Variants in AVPI1 observed in about 807,000 individuals in gnomAD.
AVPI1 encodes arginine vasopressin induced 1.
AVPI1 carries 9 observed loss-of-function variants against 11.9 expected under a neutral mutation model. The observed-to-expected ratio is 0.76, with a 90% CI of 0.46 to 1.32. AVPI1 has a LOEUF of 1.32. Ranked by LOEUF, AVPI1 falls within the 40% of genes most tolerant of loss-of-function variation. The pLI is 0.00. For synonymous variants in AVPI1, 68 were observed against 78.1 expected, an observed-to-expected ratio of 0.87 and a Z score of 0.68; for missense variants, 207 against 195.8, an observed-to-expected ratio of 1.06 and a Z score of -0.34.
intron 1 of AVPI1, among the ~76,000 whole-genome samples, chr10:97,683,406 G>A (rs892236109): frequency 5.9e-5 from 9 of 152,168 alleles, no homozygotes; most frequent in African/African-American, 1.9e-4. Flanking sequence ...TGATCCACCC[G>A]CCTTGGCCTC....
At chr10:97,681,909 AAG>A (rs2041706851) in intron 1 of AVPI1, among the ~76,000 whole-genome samples, 1 of 151,218 alleles carries the variant, frequency 6.6e-6, no homozygotes, top group Non-Finnish European at 1.5e-5. Context: ...AAAAAAAAAA[AAG>A]AAAAAAAGAA....
chr10:97,679,773 G>C lies in AVPI1; in HGVS notation c.133C>G (p.Arg45Gly). ...ELLQIQALFQ[R>G]SGDQLAEERA... ...TCCTCGGCCAGCTGGTCCCCGCTGC[G>C]TTGAAACAGGGCTTGGATCTGCAGC... is the stretch of plus-strand genomic sequence containing the variant. The change falls in exon 2 of 3, where the codon CGC (arginine) becomes GGC (glycine). Residue 45 changes from arginine (R) to glycine (G), a missense_variant. Coordinates refer to ENST00000370626, the MANE Select transcript of AVPI1 (RefSeq NM_021732.3). 6.2e-7 allele frequency: 1 copy of C among 1,614,062 alleles called. No individual in the cohort carries two copies. The highest frequency in any genetic ancestry group is 2.2e-5 in the East Asian group (1 of 44,878).
intron 2 of AVPI1, among the ~76,000 whole-genome samples, chr10:97,678,796 T>C (rs1589942384): frequency 6.6e-6 from 1 of 151,676 alleles, no homozygotes; most frequent in South Asian, 2.1e-4. Flanking sequence ...CAAGTGATCC[T>C]CCTACCTCAG....
chr10:97,686,439 CTCACT>C (rs775065570), intron 1 of AVPI1, among the ~76,000 whole-genome samples: 324 of 152,292 alleles, frequency 2.1e-3, no homozygotes, highest in Non-Finnish European at 3.4e-3. Flanking sequence ...TTCTTTCCTC[CTCACT>C]TAAGGTGGCA....
At chr10:97,678,872 G>A (rs376577161) in intron 2 of AVPI1, among the ~76,000 whole-genome samples, 2 of 135,110 alleles carry the variant, frequency 1.5e-5, no homozygotes, top group East Asian at 2.4e-4. Context: ...TTTTTTTGGC[G>A]GGGGGAGGGT....
In AVPI1 at chr10:97,678,960, T is replaced by TCA. The variant is rs1564779958; in HGVS notation, c.287+658_287+659insTG. 4.6e-4 allele frequency among the ~76,000 whole-genome samples: 22 copies of TCA among 47,690 alleles called. 2 individuals carry two copies. The highest frequency in any genetic ancestry group is 1.9e-3 in the South Asian group (2 of 1,040). The allele number at this position is 47,690 out of a possible 152,430, so 31.3% of individuals were successfully genotyped here. A position where few individuals can be genotyped will look rare whatever the true frequency, so the allele number is the denominator to read the frequency against. ...GTGTGTGTGTGTGTGTGTGTGTGTG[T>TCA]GTGTGTGTGTGTGTGTGTGTGTGTG... On this transcript the variant is annotated intron_variant, in intron 2 of 2. Coordinates refer to ENST00000370626, the MANE Select transcript of AVPI1 (RefSeq NM_021732.3).
At chr10:97,678,946 TG>T in intron 2 of AVPI1, among the ~76,000 whole-genome samples, 1 of 43,186 alleles carries the variant, frequency 2.3e-5, no homozygotes, top group South Asian at 1.1e-3. Flanking sequence ...TGTGTGTGTG[TG>T]TGTGTGTGTG....
intron 1 of AVPI1, among the ~76,000 whole-genome samples, chr10:97,683,247 T>A (rs529606129): frequency 5.2e-4 from 79 of 152,302 alleles, no homozygotes; most frequent in African/African-American, 1.8e-3. Flanking sequence ...AACCTCTACC[T>A]CCTGAGTTCA....
chr10:97,684,671 T>C (rs2041720547), intron 1 of AVPI1, among the ~76,000 whole-genome samples: 1 of 151,720 alleles, frequency 6.6e-6, no homozygotes, highest in Admixed American at 6.6e-5. Context: ...GACTAATTTT[T>C]GTATTTTTAG....
intron 2 of AVPI1, among the ~76,000 whole-genome samples, chr10:97,678,589 TA>T (rs925360207): frequency 6.6e-6 from 1 of 151,678 alleles, no homozygotes; most frequent in African/African-American, 2.4e-5. Flanking sequence ...GATCTCAAGG[TA>T]AAAGTTTTCA....
chr10:97,678,922 TGTGTGTGTGTGTGTG>T lies in AVPI1; in HGVS notation c.287+682_287+696del, dbSNP rs2041683718. Among the ~76,000 whole-genome samples the T allele has an allele frequency of 4.6e-4, 8 of 17,278 alleles. 1 individual carries two copies. The highest frequency in any genetic ancestry group is 3.0e-3 in the Admixed American group (6 of 1,990). The allele number at this position is 17,278 out of a possible 152,430, so 11.3% of individuals were successfully genotyped here. A position where few individuals can be genotyped will look rare whatever the true frequency, so the allele number is the denominator to read the frequency against. ...GTGTGTGTGTGTGTGTGTGTGTGTG[TGTGTGTGTGTGTGTG>T]TGTGTGTGTGTGTGTGTGTGTGTGT... On this transcript the variant is annotated intron_variant, in intron 2 of 2. Transcript: ENST00000370626.
At position 97,679,625 on chromosome 10, in the gene AVPI1, C is replaced by A; in HGVS notation, c.281G>T (p.Arg94Leu). The A allele has an allele frequency of 6.2e-7, 1 of 1,609,028 alleles. No individual in the cohort carries two copies. Among genetic ancestry groups the A allele is most frequent in the Non-Finnish European group, 8.5e-7 (1 of 1,177,314 alleles). The change falls in exon 2 of 3, where the codon CGC becomes CTC. Residue 94 changes from arginine to leucine, a missense_variant. Arg to Leu is a moderately radical substitution (Grantham distance 102). Transcript: ENST00000370626. ...TCCGGTTCTAGGAACCTACCTGAGG[C>A]GGCTGCAGTGGTGTAGCGAGTGGCC... ...PLGHSLHHCS[R>L]LRILEPHSAL...
intron 1 of AVPI1, among the ~76,000 whole-genome samples, chr10:97,683,718 G>A (rs1037171582): frequency 6.6e-6 from 1 of 152,216 alleles, no homozygotes; most frequent in Non-Finnish European, 1.5e-5. Context: ...TAAAGAGGAA[G>A]AGCCCAGCTT....
chr10:97,682,092 C>G (rs2041708136), intron 1 of AVPI1, among the ~76,000 whole-genome samples: 1 of 152,196 alleles, frequency 6.6e-6, no homozygotes. Flanking sequence ...ACTTAAGCGT[C>G]CCACGGAGGA....
In AVPI1 at chr10:97,677,827, G is replaced by A. The variant is rs373727438; in HGVS notation, c.*42C>T. 1.2e-6 allele frequency: 2 copies of A among 1,607,318 alleles called. No individual in the cohort carries two copies. Among genetic ancestry groups the A allele is most frequent in the Non-Finnish European group, 8.5e-7 (1 of 1,175,724 alleles). The stretch of plus-strand genomic sequence containing the variant: ...CTTCCTTCACCTCCCCAGGCCTTTT[G>A]GCAAGAGGGAAGACACTGCCATTCC... On this transcript the variant is annotated 3_prime_UTR_variant, in exon 3 of 3. Transcript: ENST00000370626.
Position 97,677,682 on chromosome 10 carries a change from A to C in AVPI1, c.*187T>G. 4.9e-6 allele frequency: 3 copies of C among 615,804 alleles called. No homozygotes were observed. Among genetic ancestry groups the C allele is most frequent in the Non-Finnish European group, 8.3e-6 (3 of 361,108 alleles). 38.1% of individuals were successfully genotyped at this position (615,804 alleles called of 1,614,324 possible). On this transcript the variant is annotated 3_prime_UTR_variant, in exon 3 of 3. Coordinates refer to ENST00000370626, the MANE Select transcript of AVPI1 (RefSeq NM_021732.3). ...CTGTCTCTCCTCATTTTGGTGAGGA[A>C]TGGGTCCCACATAATGGAGAGCTCA... is the stretch of plus-strand genomic sequence containing the variant.
chr10:97,684,233 T>C (rs2041718200), intron 1 of AVPI1, among the ~76,000 whole-genome samples: 1 of 152,074 alleles, frequency 6.6e-6, no homozygotes, highest in Admixed American at 6.6e-5. Flanking sequence ...GAAAGGGTGA[T>C]ATCTGGCCTC....
chr10:97,679,620 T>C lies in AVPI1; in HGVS notation c.286A>G (p.Arg96Gly). ...AGCCATCCGGTTCTAGGAACCTACC[T>C]GAGGCGGCTGCAGTGGTGTAGCGAG... ...GHSLHHCSRL[R>G]ILEPHSALAN... Residue 96 changes from arginine (R) to glycine (G), a missense_variant and splice_region_variant, in exon 2 of 3, where the codon AGA (arginine) becomes GGA (glycine). Transcript: ENST00000370626. 4 of 1,608,628 alleles carry C rather than the reference T, an allele frequency of 2.5e-6. No individual in the cohort carries two copies. The highest frequency in any genetic ancestry group is 3.4e-6 in the Non-Finnish European group (4 of 1,176,904).
Position 97,680,107 on chromosome 10 carries a change from C to T in AVPI1, c.-10-192G>A, listed in dbSNP as rs112371306. Among the ~76,000 whole-genome samples, 399 of 152,286 alleles carry T rather than the reference C, an allele frequency of 2.6e-3. 2 individuals carry two copies. The highest frequency in any genetic ancestry group is 9.2e-3 in the African/African-American group (384 of 41,562). On this transcript the variant is annotated intron_variant, in intron 1 of 2. Transcript: ENST00000370626. ...TATCTCATTTAGGATTCAAAGCAAC[C>T]CATGAGGTAAGAATTATTGTTTATC...
Sources: gnomAD v4.1 joint callset for allele counts (sites outside exome capture counted in the v4.1 genomes callset) on GRCh38, gnomAD v4.1.1 for gene constraint, MANE v1.5 for transcripts, NCBI Gene and HGNC (gene_info 2026-07-23, HGNC 2026-07-21) for gene names.